The following SLC44A5 variants were observed in gnomAD, a reference collection of about 807,000 sequenced individuals.
SLC44A5 encodes choline transporter-like protein 5.
In SLC44A5, 57 loss-of-function variants were observed where a neutral mutation model predicts 101.8. That is an observed-to-expected ratio of 0.56 (90% CI 0.45 to 0.70). The LOEUF (loss-of-function observed/expected upper bound fraction) is 0.70. SLC44A5 is among the 30% of genes least tolerant of loss of function. SLC44A5 has a pLI of 0.00. For synonymous variants in SLC44A5, 281 were observed against 290.9 expected (o/e 0.97, Z 0.35); for missense variants, 737 against 853.1 (o/e 0.86, Z 1.70).
chr1:75,406,696 T>C (rs1160527426), intron 2 of SLC44A5, among the ~76,000 whole-genome samples: 3 of 152,136 alleles, frequency 2.0e-5, no homozygotes, highest in Non-Finnish European at 4.4e-5. Context: ...AAACTAGGTA[T>C]TGATGGAACG....
intron 4 of SLC44A5, among the ~76,000 whole-genome samples, chr1:75,318,229 T>C (rs1309650658): frequency 6.6e-6 from 1 of 151,844 alleles, no homozygotes; most frequent in Non-Finnish European, 1.5e-5. Context: ...ATAAAAACAT[T>C]AGTCACACAG....
chr1:75,394,052 G>A (rs1557738338), intron 3 of SLC44A5, among the ~76,000 whole-genome samples: 1 of 152,112 alleles, frequency 6.6e-6, no homozygotes, highest in Non-Finnish European at 1.5e-5. Context: ...CAATTACCTA[G>A]AAAAGTCAGA....
the SLC44A5 span, among the ~76,000 whole-genome samples, chr1:75,625,697 CTTAT>C: frequency 7.9e-5 from 12 of 152,242 alleles, no homozygotes; most frequent in African/African-American, 2.2e-4. Context: ...TACTGCGTCT[CTTAT>C]TTATTTATTT....
At chr1:75,416,420 G>A (rs1369118014) in intron 2 of SLC44A5, among the ~76,000 whole-genome samples, 2 of 152,210 alleles carry the variant, frequency 1.3e-5, no homozygotes, top group African/African-American at 4.8e-5. Context: ...ATGCCTGGAT[G>A]CCCAGGCAGA....
chr1:75,483,573 T>C (rs1570419296), intron 2 of SLC44A5, among the ~76,000 whole-genome samples: 1 of 152,198 alleles, frequency 6.6e-6, no homozygotes, highest in African/African-American at 2.4e-5. Flanking sequence ...TTCTTTTTAA[T>C]GAAATAAGAA....
chr1:75,363,324 A>C (rs1659631259), intron 3 of SLC44A5, among the ~76,000 whole-genome samples: 1 of 151,840 alleles, frequency 6.6e-6, no homozygotes, highest in Non-Finnish European at 1.5e-5. Flanking sequence ...GTAAGGATGT[A>C]TTATTGCCAT....
chr1:75,552,648 G>A (rs1449659337), intron 1 of SLC44A5, among the ~76,000 whole-genome samples: 5 of 147,844 alleles, frequency 3.4e-5, no homozygotes, highest in African/African-American at 1.2e-4. Context: ...TTTTCATTTG[G>A]GCCCTTTTTC....
At position 75,243,018 on chromosome 1, in the gene SLC44A5, A is replaced by G. The variant is rs1455720778; in HGVS notation, c.346-7T>C. ...GGCACTTGGAGACACAGATCTGTGA[A>G]CGAACAAAGTGATGAGAACTGAACT... On this transcript the variant is annotated splice_polypyrimidine_tract_variant and splice_region_variant and intron_variant, in intron 7 of 23. Coordinates refer to ENST00000370859, the MANE Select transcript of SLC44A5 (RefSeq NM_001130058.2). The G allele has an allele frequency of 1.2e-6, 2 of 1,609,494 alleles. No individual in the cohort carries two copies. The highest frequency in any genetic ancestry group is 2.7e-5 in the African/African-American group (2 of 74,654).
chr1:75,437,356 T>C (rs1314240980), intron 2 of SLC44A5, among the ~76,000 whole-genome samples: 3 of 152,144 alleles, frequency 2.0e-5, no homozygotes, highest in East Asian at 1.9e-4. Context: ...TGTAATATTA[T>C]GGGACTATCA....
chr1:75,616,444 C>T, the SLC44A5 span, among the ~76,000 whole-genome samples: 1 of 152,218 alleles, frequency 6.6e-6, no homozygotes, highest in Non-Finnish European at 1.5e-5. Context: ...CTCCGGCCTG[C>T]CTTCCTCTGG....
intron 2 of SLC44A5, among the ~76,000 whole-genome samples, chr1:75,496,048 CT>C (rs201697799): frequency 2.0e-5 from 3 of 151,730 alleles, no homozygotes; most frequent in East Asian, 1.9e-4. Context: ...CTCATTCATC[CT>C]TTTTTTTGGT....
the SLC44A5 span, among the ~76,000 whole-genome samples, chr1:75,671,864 C>T: frequency 6.6e-6 from 1 of 152,170 alleles, no homozygotes; most frequent in African/African-American, 2.4e-5. Context: ...GAAACTATTT[C>T]TTTTTATTTT....
At chr1:75,712,700 A>AC in the SLC44A5 span, among the ~76,000 whole-genome samples, 1 of 128,514 alleles carries the variant, frequency 7.8e-6, no homozygotes, top group Non-Finnish European at 1.6e-5. Flanking sequence ...CATTTGAGAA[A>AC]AAAAAAAAAA....
At chr1:75,261,112 A>G (rs988933093) in intron 6 of SLC44A5, among the ~76,000 whole-genome samples, 1 of 152,176 alleles carries the variant, frequency 6.6e-6, no homozygotes, top group Non-Finnish European at 1.5e-5. Context: ...ATTTAAAAGA[A>G]CTAGAGAAGC....
At chr1:75,383,664 T>C (rs544639990) in intron 3 of SLC44A5, among the ~76,000 whole-genome samples, 2 of 152,078 alleles carry the variant, frequency 1.3e-5, no homozygotes, top group Non-Finnish European at 2.9e-5. Flanking sequence ...TTCCCCAATC[T>C]AGCAAGGCAG....
At chr1:75,268,176 C>T (rs1229802696) in intron 6 of SLC44A5, among the ~76,000 whole-genome samples, 1 of 152,132 alleles carries the variant, frequency 6.6e-6, no homozygotes, top group Non-Finnish European at 1.5e-5. Context: ...TAGTGCTAGT[C>T]CTGGTGTATC....
the SLC44A5 span, among the ~76,000 whole-genome samples, chr1:75,710,749 C>T: frequency 7.9e-5 from 12 of 152,112 alleles, no homozygotes; most frequent in South Asian, 2.5e-3. Context: ...AAGATCTGCT[C>T]AGGCTATTTT....
At chr1:75,386,463 C>T (rs1661356831) in intron 3 of SLC44A5, among the ~76,000 whole-genome samples, 1 of 152,210 alleles carries the variant, frequency 6.6e-6, no homozygotes, top group Admixed American at 6.5e-5. Context: ...TTCACAATTG[C>T]TTCAAAGAGA....
chr1:75,655,872 C>T, the SLC44A5 span, among the ~76,000 whole-genome samples: 6 of 151,996 alleles, frequency 3.9e-5, no homozygotes, highest in Non-Finnish European at 7.4e-5. Context: ...GAACTTTCAA[C>T]TTAGAGAAAG....
Sources: allele counts gnomAD v4.1 joint callset (sites outside exome capture counted in the v4.1 genomes callset), GRCh38; gene constraint gnomAD v4.1.1; transcripts MANE v1.5; gene names NCBI Gene and HGNC (gene_info 2026-07-23, HGNC 2026-07-21).